Variants in AFF3 observed in about 807,000 individuals in gnomAD.
AFF3 encodes AF4/FMR2 family member 3.
AFF3 carries 32 observed loss-of-function variants against 129.7 expected under a neutral mutation model. The ratio of observed to expected loss-of-function variants is 0.25; its 90% confidence interval spans 0.19 to 0.33. AFF3 has a LOEUF of 0.33. Ranked by LOEUF, AFF3 falls within the 10% of genes least tolerant of loss-of-function variation. AFF3 has a pLI of 1.00. For synonymous variants in AFF3, 644 were observed against 635.4 expected (o/e 1.01, Z -0.20); for missense variants, 1,373 against 1,592.0 (o/e 0.86, Z 2.34).
chr2:99,820,398 G>C (rs1687564724), intron 8 of AFF3, among the ~76,000 whole-genome samples: 1 of 152,032 alleles, frequency 6.6e-6, no homozygotes, highest in African/African-American at 2.4e-5. Flanking sequence ...GGTTGAAAAT[G>C]GTCCATCTGT....
chr2:99,790,594 T>C (rs1189303396), intron 8 of AFF3, among the ~76,000 whole-genome samples: 2 of 152,198 alleles, frequency 1.3e-5, no homozygotes, highest in Non-Finnish European at 2.9e-5. Flanking sequence ...AGGGGCAATG[T>C]CTGGAGATAT....
At chr2:99,736,418 T>A (rs1244310216) in intron 10 of AFF3, among the ~76,000 whole-genome samples, 6 of 152,170 alleles carry the variant, frequency 3.9e-5, no homozygotes, top group African/African-American at 4.8e-5. Flanking sequence ...AATAAACATA[T>A]CATGCTTTTT....
In AFF3 at chr2:99,810,727, C is replaced by T. The variant is rs548850747; in HGVS notation, c.921+26750G>A. 2.0e-5 allele frequency among the ~76,000 whole-genome samples: 3 copies of T among 152,264 alleles called. No individual in the cohort carries two copies. The East Asian group carries it at 5.8e-4, about 29-fold the overall frequency. On this transcript the variant is annotated intron_variant, in intron 8 of 24. Transcript: ENST00000672756. ...GCTGAAAACAACACAGATATATGAT[C>T]TTAGAGTTTGACCGCTAAAAGTTTA...
intron 13 of AFF3, 146 bp from the exon 14 acceptor site, chr2:99,601,767 G>T: frequency 1.0e-6 from 1 of 999,072 alleles, no homozygotes; most frequent in Non-Finnish European, 1.4e-6. Flanking sequence ...AACTCAAAGA[G>T]CAGGCATCGA....
chr2:99,889,677 G>C (rs2106070662), intron 7 of AFF3, among the ~76,000 whole-genome samples: 1 of 152,168 alleles, frequency 6.6e-6, no homozygotes, highest in Middle Eastern at 3.4e-3. Context: ...CTGTTTTTTT[G>C]AGACAGAGTC....
At position 99,929,997 on chromosome 2, in the gene AFF3, T is replaced by C. The variant is rs79221875; in HGVS notation, c.873+76635A>G. ...AGCAGACAGTCTTGGGATATTAAAA[T>C]AGATAAAGTGTTTTCAGGATGAGAT... is the stretch of plus-strand genomic sequence containing the variant. On this transcript the variant is annotated intron_variant, in intron 7 of 24. Coordinates refer to ENST00000672756, the MANE Select transcript of AFF3 (RefSeq NM_001386135.1). Among the ~76,000 whole-genome samples, 1,142 of 152,002 alleles carry C rather than the reference T, an allele frequency of 7.5e-3. 24 individuals carry two copies. Among genetic ancestry groups the C allele is most frequent in the African/African-American group, 0.026 (1,077 of 41,460 alleles).
intron 3 of AFF3, 81 bp downstream of exon 3, chr2:100,105,423 G>A: frequency 7.6e-7 from 1 of 1,315,940 alleles, no homozygotes; most frequent in Non-Finnish European, 1.0e-6. Context: ...TCTCCGTTGC[G>A]GTTTGGCCTC....
intron 4 of AFF3, among the ~76,000 whole-genome samples, chr2:100,068,091 G>A (rs1012891037): frequency 5.9e-5 from 9 of 152,172 alleles, no homozygotes; most frequent in Admixed American, 4.6e-4. Context: ...TTGTACTGCC[G>A]AAGGCCGCAA....
intron 8 of AFF3, among the ~76,000 whole-genome samples, chr2:99,809,788 C>G (rs1251712733): frequency 6.6e-6 from 1 of 152,212 alleles, no homozygotes; most frequent in South Asian, 2.1e-4. Context: ...AACTTGCACA[C>G]TTCCATGATT....
intron 8 of AFF3, among the ~76,000 whole-genome samples, chr2:99,755,330 G>A (rs930766695): frequency 4.9e-4 from 74 of 150,498 alleles, no homozygotes; most frequent in African/African-American, 1.2e-3. Flanking sequence ...GTGCAATGGC[G>A]CGATCTCAGC....
At chr2:99,688,498 A>C (rs1675289361) in intron 11 of AFF3, among the ~76,000 whole-genome samples, 2 of 152,244 alleles carry the variant, frequency 1.3e-5, no homozygotes, top group South Asian at 4.1e-4. Context: ...TCAATTGCCA[A>C]ATCAAATGGA....
At chr2:99,925,025 G>A (rs969657149) in intron 7 of AFF3, among the ~76,000 whole-genome samples, 3 of 151,922 alleles carry the variant, frequency 2.0e-5, no homozygotes, top group Non-Finnish European at 2.9e-5. Context: ...ACAGGTGCGC[G>A]ACATCATGTT....
At chr2:100,141,400 A>G (rs553944992) in intron 1 of AFF3, among the ~76,000 whole-genome samples, 6 of 152,252 alleles carry the variant, frequency 3.9e-5, no homozygotes, top group Admixed American at 2.0e-4. Flanking sequence ...CTTCACTTCA[A>G]CAGTGAGATG....
intron 4 of AFF3, among the ~76,000 whole-genome samples, chr2:100,098,456 A>C (rs1197111486): frequency 6.7e-6 from 1 of 149,810 alleles, no homozygotes; most frequent in African/African-American, 2.5e-5. Flanking sequence ...TGCATTCCAT[A>C]TTGAGAGGTT....
At chr2:99,809,127 A>C (rs1686589973) in intron 8 of AFF3, among the ~76,000 whole-genome samples, 1 of 152,224 alleles carries the variant, frequency 6.6e-6, no homozygotes, top group South Asian at 2.1e-4. Flanking sequence ...GTGCAGTATT[A>C]GTGTTCCTTG....
At chr2:99,716,889 A>T (rs1678449466) in intron 11 of AFF3, among the ~76,000 whole-genome samples, 1 of 84,878 alleles carries the variant, frequency 1.2e-5, no homozygotes, top group South Asian at 5.6e-4. Context: ...TCTCAAAAAA[A>T]AAATATATAT....
chr2:99,672,490 G>A, intron 12 of AFF3, 48 bp downstream of exon 12: 2 of 1,579,366 alleles, frequency 1.3e-6, no homozygotes, highest in South Asian at 1.1e-5. Flanking sequence ...CCAGGTAACT[G>A]TTACCAGTGT....
At chr2:99,776,111 T>C (rs1409632839) in intron 8 of AFF3, among the ~76,000 whole-genome samples, 1 of 152,200 alleles carries the variant, frequency 6.6e-6, no homozygotes, top group Non-Finnish European at 1.5e-5. Flanking sequence ...TGGGGAACTT[T>C]TAAAATACAA....
intron 11 of AFF3, among the ~76,000 whole-genome samples, chr2:99,699,281 G>A (rs1030951805): frequency 2.6e-5 from 4 of 152,132 alleles, no homozygotes; most frequent in African/African-American, 4.8e-5. Context: ...TGTGGCTTCC[G>A]CTGGTTTCTG....
Sources: gnomAD v4.1 joint callset for allele counts (sites outside exome capture counted in the v4.1 genomes callset) on GRCh38, gnomAD v4.1.1 for gene constraint, MANE v1.5 for transcripts, NCBI Gene and HGNC (gene_info 2026-07-23, HGNC 2026-07-21) for gene names.